The following NKAIN1 variants were observed in gnomAD, a reference collection of about 807,000 sequenced individuals.
NKAIN1 encodes sodium/potassium transporting ATPase interacting 1.
In NKAIN1, 13 loss-of-function variants were observed where a neutral mutation model predicts 31.6. That is an observed-to-expected ratio of 0.41 (90% CI 0.27 to 0.65). The LOEUF (loss-of-function observed/expected upper bound fraction) is 0.65, where lower values mean the gene tolerates loss of function less well. Among genes scored for constraint, NKAIN1 ranks in the 30% least tolerant of loss-of-function variants. The pLI is 0.30. For synonymous variants in NKAIN1, 104 were observed against 109.0 expected, an observed-to-expected ratio of 0.95 and a Z score of 0.28; for missense variants, 193 against 262.2, an observed-to-expected ratio of 0.74 and a Z score of 1.82.
intron 1 of NKAIN1, among the ~76,000 whole-genome samples, chr1:31,204,921 T>C (rs1645411791): frequency 6.6e-6 from 1 of 152,096 alleles, no homozygotes; most frequent in African/African-American, 2.4e-5. Context: ...GCCCGGTAAT[T>C]ATCAGCTCAG....
At chr1:31,196,909 GT>G (rs1286397025) in intron 1 of NKAIN1, among the ~76,000 whole-genome samples, 3 of 152,134 alleles carry the variant, frequency 2.0e-5, no homozygotes, top group Admixed American at 2.0e-4. Context: ...TGGTGTGCTG[GT>G]TATTATACAA....
intron 1 of NKAIN1, among the ~76,000 whole-genome samples, chr1:31,207,542 G>A (rs1036738563): frequency 1.3e-5 from 2 of 152,124 alleles, no homozygotes; most frequent in Admixed American, 6.6e-5. Context: ...TTTGAGGCCA[G>A]GTGGTATTTC....
intron 1 of NKAIN1, among the ~76,000 whole-genome samples, chr1:31,198,333 G>A (rs894914056): frequency 6.6e-6 from 1 of 152,082 alleles, no homozygotes; most frequent in Admixed American, 6.6e-5. Flanking sequence ...ACCTGCTCAC[G>A]TGCAGCCCCC....
At chr1:31,211,790 A>G (rs1645471642) in intron 1 of NKAIN1, among the ~76,000 whole-genome samples, 1 of 151,982 alleles carries the variant, frequency 6.6e-6, no homozygotes, top group African/African-American at 2.4e-5. Context: ...AAAATACAAA[A>G]CATTAGCCAG....
At chr1:31,182,636 C>A (rs921717385) in intron 4 of NKAIN1, 46 bp from the exon 5 acceptor site, 11 of 1,607,004 alleles carry the variant, frequency 6.8e-6, no homozygotes, top group African/African-American at 1.3e-5. Context: ...GAGTGGGAAC[C>A]TCTTCCTCCG....
In NKAIN1 at chr1:31,210,477, C is replaced by T. The variant is rs767195080; in HGVS notation, c.55-22290G>A. Among the ~76,000 whole-genome samples, 33 of 151,958 alleles carry T rather than the reference C, an allele frequency of 2.2e-4. 1 individual carries two copies. Among genetic ancestry groups the T allele is most frequent in the Admixed American group, 1.2e-3 (18 of 15,228 alleles). On this transcript the variant is annotated intron_variant, in intron 1 of 6. Coordinates refer to ENST00000373736, the MANE Select transcript of NKAIN1 (RefSeq NM_024522.3). Reference sequence around the variant, plus strand: ...CTAATTTTTATATTTTTAGTAGAGACGGGGTTTCACCACGTTGGCCAGGCT... The same window carrying T: ...CTAATTTTTATATTTTTAGTAGAGATGGGGTTTCACCACGTTGGCCAGGCT...
chr1:31,205,637 A>C (rs1410859933), intron 1 of NKAIN1, among the ~76,000 whole-genome samples: 1 of 20,212 alleles, frequency 4.9e-5, no homozygotes, highest in Non-Finnish European at 2.0e-4. Context: ...TTTTTTTTTG[A>C]GATGGAGTCT....
At chr1:31,218,068 C>CTTTCTTTCTTTCTTTCTTTCTTT (rs71569970) in intron 1 of NKAIN1, among the ~76,000 whole-genome samples, 2 of 132,934 alleles carry the variant, frequency 1.5e-5, no homozygotes, top group Non-Finnish European at 3.2e-5. Flanking sequence ...TTCTTTCTTT[C>CTTTCTTTCTTTCTTTCTTTCTTT]TTTTTTTTTT....
chr1:31,235,627 C>T (rs1268144340), intron 1 of NKAIN1, among the ~76,000 whole-genome samples: 1 of 152,090 alleles, frequency 6.6e-6, no homozygotes, highest in Admixed American at 6.6e-5. Flanking sequence ...CAGTGAGACG[C>T]CTATCTCTAA....
intron 3 of NKAIN1, 76 bp downstream of exon 3, chr1:31,185,171 A>T (rs1645232987): frequency 8.3e-7 from 1 of 1,208,496 alleles, no homozygotes; most frequent in Admixed American, 2.0e-5. Flanking sequence ...CTCTGGTCCT[A>T]TACCACAGTA....
chr1:31,201,799 C>A (rs1169614296), intron 1 of NKAIN1, among the ~76,000 whole-genome samples: 1 of 152,212 alleles, frequency 6.6e-6, no homozygotes, highest in Admixed American at 6.5e-5. Flanking sequence ...CCAAGGTGCT[C>A]TTTGAGATTT....
At chr1:31,219,665 C>T (rs1298151578) in intron 1 of NKAIN1, among the ~76,000 whole-genome samples, 2 of 152,308 alleles carry the variant, frequency 1.3e-5, no homozygotes, top group South Asian at 2.1e-4. Context: ...TGAGCAAACT[C>T]GTAAATCATC....
intron 1 of NKAIN1, among the ~76,000 whole-genome samples, chr1:31,201,738 T>G (rs1212424168): frequency 6.6e-6 from 1 of 152,196 alleles, no homozygotes; most frequent in Non-Finnish European, 1.5e-5. Context: ...GCAGAACGGC[T>G]GACTCCAACC....
chr1:31,185,141 G>A, intron 3 of NKAIN1, 106 bp downstream of exon 3: 5 of 843,106 alleles, frequency 5.9e-6, no homozygotes, highest in Non-Finnish European at 9.6e-6. Context: ...AGGAGAGAGA[G>A]ACTTCTTCGA....
intron 1 of NKAIN1, among the ~76,000 whole-genome samples, chr1:31,212,324 T>C (rs1645475877): frequency 6.6e-6 from 1 of 152,026 alleles, no homozygotes; most frequent in Admixed American, 6.5e-5. Flanking sequence ...AAAACCTAAA[T>C]GTAAGAGCCA....
intron 1 of NKAIN1, among the ~76,000 whole-genome samples, chr1:31,234,426 C>T (rs1478410324): frequency 6.6e-6 from 1 of 152,026 alleles, no homozygotes; most frequent in Non-Finnish European, 1.5e-5. Flanking sequence ...ACTCGCAGCT[C>T]AGCTGGAAGC....
At chr1:31,198,708 G>A (rs768839430) in intron 1 of NKAIN1, among the ~76,000 whole-genome samples, 4 of 150,190 alleles carry the variant, frequency 2.7e-5, no homozygotes, top group Admixed American at 6.7e-5. Context: ...CCTTCCCCCT[G>A]CCCTTCGCTC....
At chr1:31,238,886 G>A (rs569275586) in intron 1 of NKAIN1, among the ~76,000 whole-genome samples, 2 of 152,332 alleles carry the variant, frequency 1.3e-5, no homozygotes, top group Non-Finnish European at 2.9e-5. Context: ...GGTCAGGAAG[G>A]TGAAGGGAGG....
At chr1:31,218,068 C>CTTTCTTTCTTTCTTTCT (rs71569970) in intron 1 of NKAIN1, among the ~76,000 whole-genome samples, 20 of 132,978 alleles carry the variant, frequency 1.5e-4, no homozygotes, top group African/African-American at 4.7e-4. Flanking sequence ...TTCTTTCTTT[C>CTTTCTTTCTTTCTTTCT]TTTTTTTTTT....
Sources: gnomAD v4.1 joint callset for allele counts (sites outside exome capture counted in the v4.1 genomes callset) on GRCh38, gnomAD v4.1.1 for gene constraint, MANE v1.5 for transcripts, NCBI Gene and HGNC (gene_info 2026-07-23, HGNC 2026-07-21) for gene names.